The following LGMN variants were observed in gnomAD, a reference collection of about 807,000 sequenced individuals.
LGMN encodes asparaginyl endopeptidase.
A neutral mutation model predicts 56.8 loss-of-function variants in LGMN; 36 were observed. That is an observed-to-expected ratio of 0.63 (90% CI 0.49 to 0.84). The LOEUF (loss-of-function observed/expected upper bound fraction) is 0.84. LGMN is among the 40% of genes least tolerant of loss of function. The pLI is 0.00. For synonymous variants in LGMN, 199 were observed against 210.1 expected (o/e 0.95, Z 0.46); for missense variants, 446 against 556.1 (o/e 0.80, Z 1.99).
chr14:92,712,892 G>A (rs1889866037), intron 7 of LGMN, 21 bp from the exon 8 acceptor site: 1 of 1,611,408 alleles, frequency 6.2e-7, no homozygotes, highest in Non-Finnish European at 8.5e-7. Context: ...GACGGGGCAG[G>A]TGAGCTCACC....
At chr14:92,717,252 T>C (rs1022719086) in intron 4 of LGMN, 128 bp downstream of exon 4, 8 of 584,330 alleles carry the variant, frequency 1.4e-5, no homozygotes, top group Non-Finnish European at 2.5e-5. Context: ...AAAATCCTAA[T>C]ACGAATGTGA....
In LGMN at chr14:92,732,867, T is replaced by C. The variant is rs561173590; in HGVS notation, c.-29-52A>G. On this transcript the variant is annotated intron_variant, in intron 1 of 13. Transcript: ENST00000334869. ...ACAAAGCAACAAGAACTGATAAACA[T>C]TGGCTGGGCGCGGTGGCTCACACCT... 47 of 1,466,668 alleles carry C rather than the reference T, an allele frequency of 3.2e-5. No homozygotes were observed. The East Asian group carries it at 7.1e-4, about 22-fold the overall frequency. 90.9% of individuals were successfully genotyped at this position (1,466,668 alleles called of 1,614,324 possible). A position where few individuals can be genotyped will look rare whatever the true frequency, so the allele number is the denominator to read the frequency against.
At chr14:92,744,868 A>G (rs1485449736) in intron 1 of LGMN, among the ~76,000 whole-genome samples, 2 of 152,214 alleles carry the variant, frequency 1.3e-5, no homozygotes, top group Non-Finnish European at 2.9e-5. Flanking sequence ...TGCTGGCATT[A>G]CAGGTGTGAG....
Position 92,711,653 on chromosome 14 carries a change from A to G in LGMN, c.819+6T>C. 6.2e-7 allele frequency: 1 copy of G among 1,613,566 alleles called. No homozygotes were observed. Among genetic ancestry groups the G allele is most frequent in the Non-Finnish European group, 8.5e-7 (1 of 1,179,568 alleles). ...AGAGGGCCAGCACGCGAGGCTCCCGACTCACTTTGTTTCCATACTGCATGA... is the reference window on the plus strand; with the variant it reads ...AGAGGGCCAGCACGCGAGGCTCCCGGCTCACTTTGTTTCCATACTGCATGA... On this transcript the variant is annotated splice_donor_region_variant and intron_variant, in intron 10 of 13. Transcript: ENST00000334869.
intron 2 of LGMN, among the ~76,000 whole-genome samples, chr14:92,731,680 G>C (rs1891054217): frequency 6.6e-6 from 1 of 152,134 alleles, no homozygotes; most frequent in Admixed American, 6.5e-5. Flanking sequence ...ATCACATTGT[G>C]TTTCTCCATT....
At chr14:92,716,638 A>C (rs2140225263) in intron 4 of LGMN, among the ~76,000 whole-genome samples, 1 of 152,268 alleles carries the variant, frequency 6.6e-6, no homozygotes, top group Admixed American at 6.5e-5. Flanking sequence ...ATCTCAAACA[A>C]ACAAACACTA....
Position 92,711,934 on chromosome 14 carries a change from T to G in LGMN, c.632A>C (p.Asn211Thr), listed in dbSNP as rs143914416. 363 of 1,613,700 alleles carry G rather than the reference T, an allele frequency of 2.2e-4. 2 individuals carry two copies. In the Middle Eastern group the frequency reaches 4.3e-3, roughly 19 times the overall value. ...ACAGGCGTAGGACGACTCTCTGGGG[T>G]TGGCAGCAGTAGTTGCATAAACTAC... Reference protein sequence around the residue: ...NINVYATTAANPRESSYACYY... With the variant: ...NINVYATTAATPRESSYACYY... The change falls in exon 9 of 14, where the codon AAC becomes ACC. Residue 211 changes from asparagine (N) to threonine (T), a missense_variant. Coordinates refer to ENST00000334869, the MANE Select transcript of LGMN (RefSeq NM_005606.7).
At position 92,730,687 on chromosome 14, in the gene LGMN, G is replaced by A. The variant is rs891791070; in HGVS notation, c.138+1962C>T. On this transcript the variant is annotated intron_variant, in intron 2 of 13. Transcript: ENST00000334869. Reference sequence around the variant, plus strand: ...AGGCCGGGCATGGTGGCTCACGCCTGTAATCCCAGCACTTTGGGAGGCTGA... The same window carrying A: ...AGGCCGGGCATGGTGGCTCACGCCTATAATCCCAGCACTTTGGGAGGCTGA... 2.0e-5 allele frequency among the ~76,000 whole-genome samples: 3 copies of A among 152,202 alleles called. No individual in the cohort carries two copies. In the South Asian group the frequency reaches 6.2e-4, roughly 31 times the overall value.
chr14:92,742,915 T>G (rs1231244039), intron 1 of LGMN: 1 of 151,366 alleles, frequency 6.6e-6, no homozygotes, highest in Non-Finnish European at 1.5e-5. Flanking sequence ...ATACCTGTGG[T>G]CCCAGCTACT....
chr14:92,732,823 G>C lies in LGMN; in HGVS notation c.-29-8C>G. 6.2e-7 allele frequency: 1 copy of C among 1,605,308 alleles called. No individual in the cohort carries two copies. The highest frequency in any genetic ancestry group is 8.5e-7 in the Non-Finnish European group (1 of 1,176,000). On this transcript the variant is annotated splice_region_variant and splice_polypyrimidine_tract_variant and intron_variant, in intron 1 of 13. Transcript: ENST00000334869. ...GAGTTCAATTGCAGACACCTGAGAA[G>C]GGAAACACAGAGTCAAGTACAAAGC...
intron 2 of LGMN, among the ~76,000 whole-genome samples, chr14:92,725,206 T>C (rs1216667255): frequency 6.6e-6 from 1 of 152,156 alleles, no homozygotes; most frequent in Admixed American, 6.5e-5. Flanking sequence ...TGGCATTCCC[T>C]TGCACAGTCC....
intron 1 of LGMN, among the ~76,000 whole-genome samples, chr14:92,735,419 C>T (rs1234521807): frequency 6.6e-6 from 1 of 152,110 alleles, no homozygotes; most frequent in Non-Finnish European, 1.5e-5. Flanking sequence ...GTTGCCCAGG[C>T]TGGTCTCAAA....
intron 2 of LGMN, among the ~76,000 whole-genome samples, chr14:92,724,923 G>C (rs1435023859): frequency 1.3e-5 from 2 of 152,206 alleles, no homozygotes; most frequent in Admixed American, 1.3e-4. Flanking sequence ...ATACATATAT[G>C]ATCACTTCCC....
intron 12 of LGMN, among the ~76,000 whole-genome samples, chr14:92,705,674 C>G (rs188699684): frequency 1.3e-5 from 2 of 151,996 alleles, no homozygotes; most frequent in Admixed American, 1.3e-4. Flanking sequence ...GTCGCCCAGG[C>G]TGGAGTATAG....
At chr14:92,724,536 A>G (rs1257755515) in intron 2 of LGMN, among the ~76,000 whole-genome samples, 4 of 152,252 alleles carry the variant, frequency 2.6e-5, no homozygotes, top group East Asian at 1.9e-4. Context: ...GACTACTTGT[A>G]TTACTTCCCC....
chr14:92,732,834 A>G lies in LGMN; in HGVS notation c.-29-19T>C. ...CAGACACCTGAGAAGGGAAACACAG[A>G]GTCAAGTACAAAGCAACAAGAACTG... On this transcript the variant is annotated intron_variant, in intron 1 of 13. Transcript: ENST00000334869. 2 of 1,594,738 alleles carry G rather than the reference A, an allele frequency of 1.3e-6. No homozygotes were observed. The highest frequency in any genetic ancestry group is 1.7e-6 in the Non-Finnish European group (2 of 1,169,822).
chr14:92,736,906 C>CGA (rs1210985922), intron 1 of LGMN, among the ~76,000 whole-genome samples: 1 of 152,050 alleles, frequency 6.6e-6, no homozygotes, highest in South Asian at 2.1e-4. Flanking sequence ...TGAGGACAGG[C>CGA]GAGAGAGAGT....
intron 1 of LGMN, among the ~76,000 whole-genome samples, chr14:92,744,207 G>A (rs1162389786): frequency 2.0e-5 from 3 of 151,994 alleles, no homozygotes; most frequent in African/African-American, 7.2e-5. Context: ...TTCGTTTATT[G>A]TTGTTTTTTC....
chr14:92,742,292 C>CTTTTTTTTTTTTTTT lies in LGMN; in HGVS notation c.-30+6196_-30+6197insAAAAAAAAAAAAAAA, dbSNP rs756259014. On this transcript the variant is annotated intron_variant, in intron 1 of 13. Transcript: ENST00000334869. ...AAATGTCTTGCTGTTTTTTGTTTTG[C>CTTTTTTTTTTTTTTT]TTTTTTTTTTTTTCTTTTTTTTTGA... Among the ~76,000 whole-genome samples, 32 of 83,986 alleles carry CTTTTTTTTTTTTTTT rather than the reference C, an allele frequency of 3.8e-4. 3 individuals are homozygous for CTTTTTTTTTTTTTTT. Among genetic ancestry groups the CTTTTTTTTTTTTTTT allele is most frequent in the South Asian group, 9.7e-4 (2 of 2,058 alleles). The allele number at this position is 83,986 out of a possible 152,430, so 55.1% of individuals were successfully genotyped here.
Sources: allele counts gnomAD v4.1 joint callset (sites outside exome capture counted in the v4.1 genomes callset), GRCh38; gene constraint gnomAD v4.1.1; transcripts MANE v1.5; gene names NCBI Gene and HGNC (gene_info 2026-07-23, HGNC 2026-07-21).